RSRC1: variants seen among roughly 807,000 people sequenced by gnomAD.
The protein encoded by RSRC1 is arginine and serine rich coiled-coil 1, also known as serine/Arginine-related protein 53.
In RSRC1, 39 loss-of-function variants were observed where a neutral mutation model predicts 49.1. That is an observed-to-expected ratio of 0.79 (90% CI 0.61 to 1.04). The LOEUF is 1.04. RSRC1 is among the 50% of genes least tolerant of loss of function. The probability of loss-of-function intolerance (pLI) is 0.00; values close to 1 mark genes in which losing one functional copy is unlikely to be tolerated. For synonymous variants in RSRC1, 143 were observed against 130.8 expected (o/e 1.09, Z -0.63); for missense variants, 388 against 402.4 (o/e 0.96, Z 0.31).
At chr3:158,455,801 G>A (rs544583927) in intron 6 of RSRC1, among the ~76,000 whole-genome samples, 27 of 151,848 alleles carry the variant, frequency 1.8e-4, no homozygotes, top group African/African-American at 6.5e-4. Flanking sequence ...CCAACATGGG[G>A]AAACCCCATC....
chr3:158,295,591 G>A (rs1431435896), intron 4 of RSRC1, among the ~76,000 whole-genome samples: 2 of 152,022 alleles, frequency 1.3e-5, no homozygotes, highest in Admixed American at 6.6e-5. Context: ...GAAATAGTTA[G>A]ATCTAATGAT....
At chr3:158,176,094 G>A (rs1013169473) in intron 3 of RSRC1, among the ~76,000 whole-genome samples, 2 of 152,090 alleles carry the variant, frequency 1.3e-5, no homozygotes, top group African/African-American at 4.8e-5. Flanking sequence ...CAACTTACAA[G>A]GGATGTGAAG....
chr3:158,361,244 G>A (rs1211254615), intron 6 of RSRC1, among the ~76,000 whole-genome samples: 1 of 152,174 alleles, frequency 6.6e-6, no homozygotes, highest in East Asian at 1.9e-4. Context: ...GGAACCCAGT[G>A]TCCTCAGCAG....
At chr3:158,196,648 A>G (rs1720638596) in intron 3 of RSRC1, among the ~76,000 whole-genome samples, 1 of 152,186 alleles carries the variant, frequency 6.6e-6, no homozygotes, top group Admixed American at 6.5e-5. Flanking sequence ...TGTGATAGAT[A>G]GCTCTTATTA....
At chr3:158,243,612 C>T (rs1095632) in intron 4 of RSRC1, among the ~76,000 whole-genome samples, 144,101 of 152,264 alleles carry the variant, frequency 0.95, 68,291 homozygotes, top group East Asian at 1. Flanking sequence ...AGCAATAGCA[C>T]TGAATCTATA....
chr3:158,518,325 C>A (rs1002225907), intron 7 of RSRC1, among the ~76,000 whole-genome samples: 1 of 148,892 alleles, frequency 6.7e-6, no homozygotes, highest in South Asian at 2.1e-4. Flanking sequence ...TTTCCTTGAA[C>A]GTTTGATAGA....
At chr3:158,513,676 G>C (rs1338185852) in intron 7 of RSRC1, among the ~76,000 whole-genome samples, 1 of 152,228 alleles carries the variant, frequency 6.6e-6, no homozygotes, top group East Asian at 1.9e-4. Flanking sequence ...GATTGGAATA[G>C]TTTCAGAAGG....
At chr3:158,370,200 G>C (rs1731990296) in intron 6 of RSRC1, among the ~76,000 whole-genome samples, 1 of 151,720 alleles carries the variant, frequency 6.6e-6, no homozygotes, top group African/African-American at 2.4e-5. Context: ...AATTGTTTTT[G>C]CTTATCTTTA....
At chr3:158,517,203 A>T (rs1475319358) in intron 7 of RSRC1, among the ~76,000 whole-genome samples, 1 of 152,118 alleles carries the variant, frequency 6.6e-6, no homozygotes, top group Non-Finnish European at 1.5e-5. Flanking sequence ...TTTTCTGTTC[A>T]GGGCTGCTAT....
chr3:158,135,107 C>T (rs2108186256), intron 3 of RSRC1, among the ~76,000 whole-genome samples: 2 of 152,142 alleles, frequency 1.3e-5, no homozygotes, highest in Admixed American at 1.3e-4. Context: ...GGCTTATCAT[C>T]TCAATATTTG....
chr3:158,452,553 A>G (rs1196186196), intron 6 of RSRC1, among the ~76,000 whole-genome samples: 2 of 152,214 alleles, frequency 1.3e-5, no homozygotes, highest in Non-Finnish European at 2.9e-5. Flanking sequence ...CCAGTTTGCA[A>G]TCATTGCTTA....
intron 6 of RSRC1, among the ~76,000 whole-genome samples, chr3:158,371,095 C>T (rs750440497): frequency 2.0e-5 from 3 of 151,718 alleles, no homozygotes; most frequent in Non-Finnish European, 4.4e-5. Flanking sequence ...GAAGTATCTG[C>T]TCATATCTTT....
chr3:158,427,146 C>A (rs1735490511), intron 6 of RSRC1, among the ~76,000 whole-genome samples: 1 of 151,330 alleles, frequency 6.6e-6, no homozygotes, highest in African/African-American at 2.4e-5. Flanking sequence ...CAATGCAGCC[C>A]TTATTAAGCT....
intron 5 of RSRC1, among the ~76,000 whole-genome samples, chr3:158,316,437 C>CTTTTTTTTTTT (rs1728450999): frequency 1.1e-5 from 1 of 87,482 alleles, no homozygotes; most frequent in Non-Finnish European, 2.2e-5. Flanking sequence ...CAGAATCTCT[C>CTTTTTTTTTTT]ATTTTTTTTT....
intron 6 of RSRC1, among the ~76,000 whole-genome samples, chr3:158,405,917 A>C (rs147991651): frequency 5.9e-5 from 9 of 152,274 alleles, no homozygotes; most frequent in Non-Finnish European, 1.0e-4. Context: ...CTCAAAATTT[A>C]CTTTAAAGAT....
At chr3:158,145,070 A>G (rs1260099126) in intron 3 of RSRC1, among the ~76,000 whole-genome samples, 4 of 152,044 alleles carry the variant, frequency 2.6e-5, no homozygotes. Context: ...ATTTTCTCCC[A>G]TTCTGTAGGT....
Position 158,203,140 on chromosome 3 carries a change from G to A in RSRC1, c.389G>A (p.Arg130His), listed in dbSNP as rs201554225. 7.7e-5 allele frequency: 124 copies of A among 1,613,750 alleles called. No individual in the cohort carries two copies. Among genetic ancestry groups the A allele is most frequent in the African/African-American group, 3.7e-4 (28 of 75,016 alleles). ...SSERSSHRRT[R>H]SRSRDRERRK... ...GAAAGGTCCAGTCACAGAAGAACGC[G>A]TAGTCGGTCTCGGGATAGAGAACGA... The change falls in exon 4 of 10, where the codon CGT (arginine) becomes CAT (histidine). Residue 130 changes from arginine (R) to histidine (H), a missense_variant. Physicochemically the swap from Arg to His is conservative, Grantham distance 29. Coordinates refer to ENST00000611884, the MANE Select transcript of RSRC1 (RefSeq NM_001271838.2).
At chr3:158,122,490 T>A (rs1715326149) in intron 2 of RSRC1, among the ~76,000 whole-genome samples, 192 bp downstream of exon 2, 1 of 152,092 alleles carries the variant, frequency 6.6e-6, no homozygotes, top group African/African-American at 2.4e-5. Flanking sequence ...CTTTGTCTGT[T>A]CTTAGTAGGC....
intron 7 of RSRC1, among the ~76,000 whole-genome samples, chr3:158,482,306 G>A (rs907643673): frequency 1.3e-5 from 2 of 151,968 alleles, no homozygotes; most frequent in South Asian, 4.1e-4. Flanking sequence ...AAATCAAAAT[G>A]TATTTGCATT....
Sources: gnomAD v4.1 joint callset for allele counts (sites outside exome capture counted in the v4.1 genomes callset) on GRCh38, gnomAD v4.1.1 for gene constraint, MANE v1.5 for transcripts, NCBI Gene and HGNC (gene_info 2026-07-23, HGNC 2026-07-21) for gene names.